The following CHIC1 variants were observed in gnomAD, a reference collection of about 807,000 sequenced individuals.
CHIC1 encodes the protein cysteine-rich hydrophobic domain-containing protein 1.
In CHIC1, 7 loss-of-function variants were observed where a neutral mutation model predicts 18.5. The observed-to-expected ratio is 0.38, with a 90% confidence interval of 0.22 to 0.71. CHIC1 has a LOEUF of 0.71. Among genes scored for constraint, CHIC1 ranks in the 30% least tolerant of loss-of-function variants. CHIC1 has a pLI of 0.49. For synonymous variants in CHIC1, 77 were observed against 73.5 expected, an observed-to-expected ratio of 1.05 and a Z score of -0.25; for missense variants, 159 against 176.9, an observed-to-expected ratio of 0.90 and a Z score of 0.57.
At chrX:73,571,656 T>G (rs1402110292) in intron 1 of CHIC1, among the ~76,000 whole-genome samples, 1 of 111,417 alleles carries the variant, frequency 9.0e-6, no homozygotes. Context: ...TTGCATATAA[T>G]ATTCTCATTA....
intron 3 of CHIC1, among the ~76,000 whole-genome samples, chrX:73,621,841 A>T (rs2057761952): frequency 8.9e-6 from 1 of 111,964 alleles, no homozygotes; most frequent in Non-Finnish European, 1.9e-5. Flanking sequence ...TTTGTTATGA[A>T]TAGCTCTTGT....
At chrX:73,650,998 G>A (rs758084688) in intron 3 of CHIC1, among the ~76,000 whole-genome samples, 16 of 111,789 alleles carry the variant, frequency 1.4e-4, no homozygotes, top group African/African-American at 5.2e-4. Flanking sequence ...CCACGATCAA[G>A]GCAGCTTCAT....
At chrX:73,607,217 C>T (rs890712291) in intron 3 of CHIC1, among the ~76,000 whole-genome samples, 2 of 108,805 alleles carry the variant, frequency 1.8e-5, no homozygotes, top group Admixed American at 1.9e-4. Flanking sequence ...TTGGCTACAG[C>T]GGCTTTGCCA....
At chrX:73,590,894 A>G (rs2057578420) in intron 3 of CHIC1, among the ~76,000 whole-genome samples, 1 of 111,638 alleles carries the variant, frequency 9.0e-6, no homozygotes, top group Admixed American at 9.5e-5. Flanking sequence ...TTTCACAATC[A>G]TAAATAAGAC....
intron 3 of CHIC1, among the ~76,000 whole-genome samples, chrX:73,639,511 T>A (rs1415677658): frequency 1.8e-5 from 2 of 112,228 alleles, no homozygotes; most frequent in Non-Finnish European, 3.8e-5. Flanking sequence ...AGAAGCACTT[T>A]AGTTTAATTA....
chrX:73,675,340 C>T lies in CHIC1; in HGVS notation c.508-3986C>T, dbSNP rs146796592. 2.0e-3 allele frequency among the ~76,000 whole-genome samples: 222 copies of T among 111,534 alleles called. 1 individual carries two copies. Among genetic ancestry groups the T allele is most frequent in the African/African-American group, 6.8e-3 (207 of 30,657 alleles). ...AATGTTGACATTGGGGTGTTAAAGT[C>T]TCCCATTATTATTGTCTGGGAGTCT... On this transcript the variant is annotated intron_variant, in intron 3 of 5. Transcript: ENST00000373502.
intron 3 of CHIC1, among the ~76,000 whole-genome samples, chrX:73,620,886 T>C (rs11798931): frequency 0.21 from 23,837 of 110,881 alleles, 2,457 homozygotes; most frequent in African/African-American, 0.39. Context: ...ATAAGGTGTA[T>C]GTAAGGGGTC....
chrX:73,655,355 A>G (rs1273716131), intron 3 of CHIC1, among the ~76,000 whole-genome samples: 1 of 102,300 alleles, frequency 9.8e-6, no homozygotes, highest in Non-Finnish European at 2.0e-5. Context: ...CACACATACA[A>G]ACACTATATA....
rs2058114592 is a variant in CHIC1, at chrX:73,684,829, G to A, written c.*3824G>A. ...GGACTAAAACAATTGATATATATCT[G>A]TATGTAAAAATGAATGATCTTATCT... On this transcript the variant is annotated 3_prime_UTR_variant, in exon 6 of 6. Coordinates refer to ENST00000373502, the MANE Select transcript of CHIC1 (RefSeq NM_001039840.4). 9.0e-6 allele frequency: 1 copy of A among 111,306 alleles called. No homozygotes were observed. Among genetic ancestry groups the A allele is most frequent in the Admixed American group, 9.6e-5 (1 of 10,392 alleles). The allele number at this position is 111,306 out of a possible 1,213,427, so 9.2% of individuals were successfully genotyped here. A position where few individuals can be genotyped will look rare whatever the true frequency, so the allele number is the denominator to read the frequency against.
intron 3 of CHIC1, among the ~76,000 whole-genome samples, chrX:73,630,965 G>A (rs1440005309): frequency 9.0e-6 from 1 of 110,934 alleles, no homozygotes; most frequent in African/African-American, 3.3e-5. Flanking sequence ...GTTAGTCTTG[G>A]TGTTTCTTGG....
chrX:73,604,978 G>C (rs2057672450), intron 3 of CHIC1, among the ~76,000 whole-genome samples: 3 of 108,865 alleles, frequency 2.8e-5, no homozygotes. Context: ...ATATTCTGTT[G>C]ACTTGGGGTG....
At chrX:73,672,376 G>C (rs1367878232) in intron 3 of CHIC1, among the ~76,000 whole-genome samples, 1 of 111,463 alleles carries the variant, frequency 9.0e-6, no homozygotes, top group African/African-American at 3.3e-5. Context: ...CTAGTTTACA[G>C]TCCCACCAAC....
At chrX:73,631,301 T>C (rs2057805703) in intron 3 of CHIC1, among the ~76,000 whole-genome samples, 1 of 111,523 alleles carries the variant, frequency 9.0e-6, no homozygotes, top group Non-Finnish European at 1.9e-5. Context: ...GCTTGCTTTA[T>C]TCTATTCTTG....
At chrX:73,655,349 C>G (rs1160361601) in intron 3 of CHIC1, among the ~76,000 whole-genome samples, 1 of 101,447 alleles carries the variant, frequency 9.9e-6, no homozygotes, top group Non-Finnish European at 2.0e-5. Flanking sequence ...TATATACACA[C>G]ATACAAACAC....
chrX:73,622,439 A>T, intron 3 of CHIC1, among the ~76,000 whole-genome samples: 1 of 111,668 alleles, frequency 9.0e-6, no homozygotes, highest in Non-Finnish European at 1.9e-5. Context: ...TTATGTGTTG[A>T]GGAGTTTATC....
chrX:73,599,812 G>T (rs1266874080), intron 3 of CHIC1, among the ~76,000 whole-genome samples: 1 of 107,233 alleles, frequency 9.3e-6, no homozygotes, highest in Non-Finnish European at 1.9e-5. Context: ...ACTTGGCAAT[G>T]TGGGCTCTTT....
intron 3 of CHIC1, among the ~76,000 whole-genome samples, chrX:73,586,294 C>T (rs1449071686): frequency 9.0e-6 from 1 of 110,886 alleles, no homozygotes; most frequent in Non-Finnish European, 1.9e-5. Context: ...TTATAGTTCA[C>T]GGCCTCTGAT....
intron 3 of CHIC1, among the ~76,000 whole-genome samples, chrX:73,650,609 A>G (rs1252805574): frequency 2.8e-5 from 3 of 105,676 alleles, no homozygotes; most frequent in African/African-American, 1.1e-4. Flanking sequence ...CGACACATAC[A>G]CCCTCCCAAG....
chrX:73,613,792 TTCCCTCCCTCTC>T (rs1389026279), intron 3 of CHIC1, among the ~76,000 whole-genome samples: 3 of 111,001 alleles, frequency 2.7e-5, no homozygotes, highest in Non-Finnish European at 5.7e-5. Flanking sequence ...TTTATATACC[TTCCCTCCCTCTC>T]TCCCTCCCTC....
Sources: allele counts gnomAD v4.1 joint callset (sites outside exome capture counted in the v4.1 genomes callset), GRCh38; gene constraint gnomAD v4.1.1; transcripts MANE v1.5; gene names NCBI Gene and HGNC (gene_info 2026-07-23, HGNC 2026-07-21).